Variants in DOCK3 observed in about 807,000 individuals in gnomAD.
The protein encoded by DOCK3 is dedicator of cytokinesis protein 3.
In DOCK3, 60 loss-of-function variants were observed where a neutral mutation model predicts 265.6. The ratio of observed to expected loss-of-function variants is 0.23; its 90% CI spans 0.18 to 0.28. The LOEUF is 0.28. Ranked by LOEUF, DOCK3 falls within the 10% of genes least tolerant of loss-of-function variation. The probability of loss-of-function intolerance (pLI) is 1.00; values close to 1 mark genes in which losing one functional copy is unlikely to be tolerated. For missense variants in DOCK3, 1,981 were observed against 2,594.3 expected (o/e 0.76, Z 5.14); for synonymous variants, 881 against 938.0 (o/e 0.94, Z 1.11).
chr3:51,012,334 A>C (rs969566403), intron 5 of DOCK3, among the ~76,000 whole-genome samples: 1 of 152,084 alleles, frequency 6.6e-6, no homozygotes, highest in Non-Finnish European at 1.5e-5. Flanking sequence ...TTACCTACTC[A>C]AGCCTCAGCA....
At chr3:51,367,446 T>C (rs1253569784) in intron 49 of DOCK3, among the ~76,000 whole-genome samples, 3 of 152,234 alleles carry the variant, frequency 2.0e-5, no homozygotes, top group Non-Finnish European at 4.4e-5. Flanking sequence ...CTTTATCCAA[T>C]TTGCCAGTCT....
intron 1 of DOCK3, among the ~76,000 whole-genome samples, chr3:50,767,687 T>G (rs1434181176): frequency 1.3e-5 from 2 of 152,216 alleles, no homozygotes; most frequent in Non-Finnish European, 2.9e-5. Flanking sequence ...GGGATGGCAT[T>G]GAATCTATAA....
At chr3:50,734,602 G>GTTTTTTTTTTTT (rs771129941) in intron 1 of DOCK3, among the ~76,000 whole-genome samples, 1 of 107,386 alleles carries the variant, frequency 9.3e-6, no homozygotes, top group Non-Finnish European at 1.7e-5. Context: ...TTTACAGTGA[G>GTTTTTTTTTTTT]TTTTTTTTTT....
chr3:51,357,101 T>C lies in DOCK3; in HGVS notation c.4643T>C (p.Ile1548Thr). 6.2e-7 allele frequency: 1 copy of C among 1,612,736 alleles called. No individual in the cohort carries two copies. Among genetic ancestry groups the C allele is most frequent in the South Asian group, 1.1e-5 (1 of 91,006 alleles). The change falls in exon 44 of 53, where the codon ATT becomes ACT. Residue 1548 changes from isoleucine to threonine, a missense_variant. Coordinates refer to ENST00000266037, the MANE Select transcript of DOCK3 (RefSeq NM_004947.5). ...NLLSMCLNGVIDAAVNGGIAR... is the reference protein window; with the variant it reads ...NLLSMCLNGVTDAAVNGGIAR... ...CTAAGCATGTGCCTGAATGGTGTCATTGATGCAGCTGTCAATGGAGGCATT... is the reference window on the plus strand; with the variant it reads ...CTAAGCATGTGCCTGAATGGTGTCACTGATGCAGCTGTCAATGGAGGCATT...
At chr3:50,918,538 G>A (rs1343797195) in intron 4 of DOCK3, among the ~76,000 whole-genome samples, 1 of 152,026 alleles carries the variant, frequency 6.6e-6, no homozygotes, top group African/African-American at 2.4e-5. Context: ...TCATGTGTCT[G>A]TTGACTGCAT....
intron 5 of DOCK3, among the ~76,000 whole-genome samples, chr3:51,044,739 C>CGAA (rs1230362264): frequency 6.6e-6 from 1 of 152,126 alleles, no homozygotes; most frequent in Non-Finnish European, 1.5e-5. Flanking sequence ...TACAGCTTCT[C>CGAA]CATCAGCACT....
intron 5 of DOCK3, among the ~76,000 whole-genome samples, chr3:50,976,677 A>C (rs987761180): frequency 6.6e-6 from 1 of 151,974 alleles, no homozygotes; most frequent in African/African-American, 2.4e-5. Flanking sequence ...TGCAGAGCTG[A>C]GTTCAATTGC....
chr3:51,127,726 A>C (rs891289051), intron 9 of DOCK3, among the ~76,000 whole-genome samples: 1 of 152,182 alleles, frequency 6.6e-6, no homozygotes, highest in Non-Finnish European at 1.5e-5. Context: ...ACCTTCTTCT[A>C]CTACCCATTC....
rs190942599 is a variant in DOCK3 at position 51,045,347 on chromosome 3, C to T, written c.316-19101C>T. Among the ~76,000 whole-genome samples, 7 of 152,242 alleles carry T rather than the reference C, an allele frequency of 4.6e-5. No individual in the cohort carries two copies. In the East Asian group the frequency reaches 1.4e-3, roughly 29 times the overall value. On this transcript the variant is annotated intron_variant, in intron 5 of 52. Coordinates refer to ENST00000266037, the MANE Select transcript of DOCK3 (RefSeq NM_004947.5). ...CAATACAGACATTTGCGATTAATTT[C>T]TCCATCTTATATGGGTGTGGTTTTT...
intron 4 of DOCK3, among the ~76,000 whole-genome samples, chr3:50,907,726 T>C (rs1231365294): frequency 1.3e-5 from 2 of 152,150 alleles, no homozygotes; most frequent in East Asian, 3.8e-4. Flanking sequence ...CTGTGCCTTT[T>C]AATTGGAGCA....
rs1213894574 is a variant in DOCK3 at position 51,333,074 on chromosome 3, C to A, written c.3515+47C>A. 1.9e-6 allele frequency: 3 copies of A among 1,613,808 alleles called. No individual in the cohort carries two copies. The Admixed American group carries it at 5.0e-5, about 27-fold the overall frequency. ...TCTGCTGTCTCCAGATCCATCACAG[C>A]CTCCATGGGCTCTTGGACTTCACTC... On this transcript the variant is annotated intron_variant, in intron 34 of 52. Coordinates refer to ENST00000266037, the MANE Select transcript of DOCK3 (RefSeq NM_004947.5).
intron 38 of DOCK3, among the ~76,000 whole-genome samples, chr3:51,344,161 C>G (rs1312042730): frequency 6.6e-6 from 1 of 152,140 alleles, no homozygotes; most frequent in East Asian, 1.9e-4. Flanking sequence ...TACCATGGTC[C>G]ACACTCATTT....
chr3:51,087,420 T>G (rs1478817751), intron 7 of DOCK3, among the ~76,000 whole-genome samples: 12 of 152,170 alleles, frequency 7.9e-5, no homozygotes, highest in Non-Finnish European at 1.6e-4. Context: ...AAAAAGCATT[T>G]GATAAAATTT....
chr3:51,083,504 C>T (rs759812510), intron 7 of DOCK3, among the ~76,000 whole-genome samples: 11 of 151,982 alleles, frequency 7.2e-5, no homozygotes, highest in Admixed American at 1.3e-4. Flanking sequence ...ATTAAAGAAG[C>T]TCAGTGAGAT....
At chr3:50,814,540 T>C (rs939239391) in intron 2 of DOCK3, among the ~76,000 whole-genome samples, 6 of 152,044 alleles carry the variant, frequency 3.9e-5, no homozygotes, top group African/African-American at 1.4e-4. Flanking sequence ...TGTTGGGATT[T>C]ACAGGCATGA....
chr3:50,813,297 A>G (rs1230937078), intron 2 of DOCK3, among the ~76,000 whole-genome samples: 1 of 152,192 alleles, frequency 6.6e-6, no homozygotes, highest in Non-Finnish European at 1.5e-5. Context: ...ACTTTGGCAC[A>G]CTGAGGCGAG....
intron 22 of DOCK3, among the ~76,000 whole-genome samples, chr3:51,252,742 T>C (rs1200042861): frequency 6.6e-6 from 1 of 152,220 alleles, no homozygotes; most frequent in African/African-American, 2.4e-5. Context: ...AAGTTGCTTA[T>C]CAGCTTAAGT....
intron 9 of DOCK3, among the ~76,000 whole-genome samples, chr3:51,134,603 AAGAGTCAG>A (rs2084710529): frequency 6.6e-6 from 1 of 152,134 alleles, no homozygotes; most frequent in African/African-American, 2.4e-5. Flanking sequence ...TTCTAGTTGG[AAGAGTCAG>A]AGTACATGTA....
At chr3:51,024,462 A>G (rs2079726691) in intron 5 of DOCK3, among the ~76,000 whole-genome samples, 1 of 152,156 alleles carries the variant, frequency 6.6e-6, no homozygotes, top group South Asian at 2.1e-4. Flanking sequence ...AGCCTTGATG[A>G]AGGTAACTGG....
Sources: gnomAD v4.1 joint callset for allele counts (sites outside exome capture counted in the v4.1 genomes callset) on GRCh38, gnomAD v4.1.1 for gene constraint, MANE v1.5 for transcripts, NCBI Gene and HGNC (gene_info 2026-07-23, HGNC 2026-07-21) for gene names.